RPH3A: variants seen among roughly 807,000 people sequenced by gnomAD.
The protein encoded by RPH3A is rabphilin 3A.
In RPH3A, 48 loss-of-function variants were observed where a neutral mutation model predicts 102.2. The ratio of observed to expected loss-of-function variants is 0.47; its 90% CI spans 0.37 to 0.60. The LOEUF (loss-of-function observed/expected upper bound fraction) is 0.60, where lower values mean the gene tolerates loss of function less well. Among genes scored for constraint, RPH3A ranks in the 20% least tolerant of loss-of-function variants. RPH3A has a pLI of 0.00. For synonymous variants in RPH3A, 310 were observed against 324.3 expected (o/e 0.96, Z 0.47); for missense variants, 781 against 910.1 (o/e 0.86, Z 1.83).
chr12:112,716,710 A>G (rs1218854918), intron 1 of RPH3A, among the ~76,000 whole-genome samples: 1 of 152,246 alleles, frequency 6.6e-6, no homozygotes, highest in Admixed American at 6.5e-5. Context: ...CTAGGCAGCC[A>G]TGTTTCCAGC....
chr12:112,795,234 T>C (rs1412984325), intron 2 of RPH3A, among the ~76,000 whole-genome samples: 1 of 152,230 alleles, frequency 6.6e-6, no homozygotes. Flanking sequence ...GGACCTGTCT[T>C]CTGCCCTTCA....
rs575580027 is a variant in RPH3A, at chr12:112,624,382, C to A, written c.-140+49063C>A. On this transcript the variant is annotated intron_variant, in intron 1 of 21. Coordinates refer to the RPH3A transcript ENST00000543106. Reference sequence around the variant, plus strand: ...AAAATGATAAAGGGGATATCACCACCGATCCCACAGAAATACAAACTACCA... The same window carrying A: ...AAAATGATAAAGGGGATATCACCACAGATCCCACAGAAATACAAACTACCA... 6.1e-3 allele frequency among the ~76,000 whole-genome samples: 908 copies of A among 148,742 alleles called. 6 individuals are homozygous for A. The highest frequency in any genetic ancestry group is 0.022 in the African/African-American group (865 of 40,194).
intron 5 of RPH3A, among the ~76,000 whole-genome samples, chr12:112,857,596 C>T (rs59853488): frequency 0.012 from 1,790 of 152,264 alleles, 36 homozygotes; most frequent in African/African-American, 0.034. Flanking sequence ...AGATTCTCTC[C>T]TAGAGCCTTC....
chr12:112,733,942 A>T (rs920307902), intron 1 of RPH3A, among the ~76,000 whole-genome samples: 9 of 152,202 alleles, frequency 5.9e-5, no homozygotes, highest in African/African-American at 1.9e-4. Flanking sequence ...TTACTATGTT[A>T]ATCTATTGAA....
At chr12:112,751,787 A>G (rs960715297) in intron 1 of RPH3A, among the ~76,000 whole-genome samples, 1 of 152,162 alleles carries the variant, frequency 6.6e-6, no homozygotes, top group African/African-American at 2.4e-5. Flanking sequence ...AAATATATGT[A>G]TGAGAATTTT....
chr12:112,818,456 CT>C (rs1035359574), intron 2 of RPH3A, among the ~76,000 whole-genome samples: 5 of 152,148 alleles, frequency 3.3e-5, no homozygotes, highest in African/African-American at 1.2e-4. Flanking sequence ...TATCTCCCAG[CT>C]TTTATCCTTT....
chr12:112,733,291 C>T (rs965275616), intron 1 of RPH3A, among the ~76,000 whole-genome samples: 1 of 152,114 alleles, frequency 6.6e-6, no homozygotes, highest in Non-Finnish European at 1.5e-5. Flanking sequence ...GCATATACAC[C>T]CATACTGGCA....
At chr12:112,826,689 T>G (rs969925171) in intron 2 of RPH3A, among the ~76,000 whole-genome samples, 7 of 152,242 alleles carry the variant, frequency 4.6e-5, no homozygotes, top group African/African-American at 1.7e-4. Flanking sequence ...TCAAACAGTG[T>G]GTTCTCTTTT....
intron 1 of RPH3A, among the ~76,000 whole-genome samples, chr12:112,781,664 T>C (rs1398104397): frequency 1.3e-5 from 2 of 152,246 alleles, no homozygotes; most frequent in Non-Finnish European, 2.9e-5. Flanking sequence ...GCTCATAAAA[T>C]GGTGCCCTTT....
At chr12:112,757,597 C>G (rs926416191) in intron 1 of RPH3A, among the ~76,000 whole-genome samples, 2 of 152,114 alleles carry the variant, frequency 1.3e-5, no homozygotes, top group Admixed American at 6.5e-5. Flanking sequence ...AAATTTTACT[C>G]AACTTGCAAG....
Position 112,828,339 on chromosome 12 carries a change from C to T in RPH3A, c.21C>T (p.Ser7=), listed in dbSNP as rs1234672243. The T allele has an allele frequency of 1.2e-6, 2 of 1,611,452 alleles. No individual in the cohort carries two copies. The highest frequency in any genetic ancestry group is 3.4e-5 in the Admixed American group (2 of 59,692). MTDTVF[S]NSSNRWMYPS... is the part of the protein sequence containing the mutation. ...CTACTATGACTGACACCGTGTTCAG[C>T]AACAGTTCTAACCGTTGGATGTACC... The change falls in exon 3 of 22, where the codon AGC becomes AGT. Residue 7 remains serine (S), a synonymous_variant. Coordinates refer to ENST00000389385, the MANE Select transcript of RPH3A (RefSeq NM_001143854.2).
chr12:112,833,777 C>T (rs180719394), intron 3 of RPH3A, among the ~76,000 whole-genome samples: 125 of 151,356 alleles, frequency 8.3e-4, no homozygotes, highest in African/African-American at 2.8e-3. Context: ...TCACATAGGC[C>T]GGAGTGCAAT....
intron 1 of RPH3A, among the ~76,000 whole-genome samples, chr12:112,613,229 C>G (rs1285135739): frequency 6.6e-6 from 1 of 152,136 alleles, no homozygotes; most frequent in South Asian, 2.1e-4. Context: ...CCGGGACTTT[C>G]TAACTCTAAA....
chr12:112,724,053 T>A (rs2040570048), intron 1 of RPH3A, among the ~76,000 whole-genome samples: 1 of 67,504 alleles, frequency 1.5e-5, no homozygotes, highest in Admixed American at 1.8e-4. Context: ...ATTTTTTTGA[T>A]TTTTTTTTTT....
rs1168284777 is a variant in RPH3A at position 112,881,828 on chromosome 12, C to G, written c.1308C>G (p.Leu436=). The G allele has an allele frequency of 5.6e-6, 9 of 1,612,156 alleles. No homozygotes were observed. Among genetic ancestry groups the G allele is most frequent in the Non-Finnish European group, 7.6e-6 (9 of 1,178,856 alleles). The change falls in exon 15 of 22, where the codon CTC becomes CTG. Residue 436 remains leucine, a synonymous_variant. Coordinates refer to ENST00000389385, the MANE Select transcript of RPH3A (RefSeq NM_001143854.2). ...CTGATCCCTACGTTAAGCTGCACCT[C>G]CTGCCGGGAGCCAGCAAGGTACCAT... ...GLADPYVKLH[L]LPGASKSNKL... is the part of the protein sequence containing the mutation.
intron 1 of RPH3A, among the ~76,000 whole-genome samples, chr12:112,718,706 G>A (rs1195921138): frequency 1.3e-5 from 2 of 152,242 alleles, no homozygotes; most frequent in African/African-American, 4.8e-5. Flanking sequence ...CAATGCAGGG[G>A]TGGCAAAGAA....
intron 16 of RPH3A, 71 bp downstream of exon 16, chr12:112,883,473 G>T: frequency 1.8e-6 from 2 of 1,094,162 alleles, no homozygotes; most frequent in Non-Finnish European, 2.8e-6. Context: ...GAGACTTGGG[G>T]TGAGGCCCCC....
At chr12:112,766,577 G>T (rs1490058032) in intron 1 of RPH3A, among the ~76,000 whole-genome samples, 4 of 152,200 alleles carry the variant, frequency 2.6e-5, no homozygotes, top group Non-Finnish European at 4.4e-5. Flanking sequence ...AGGAAGGCAA[G>T]CTTGGCTTAA....
At chr12:112,886,620 C>G (rs367917145) in intron 16 of RPH3A, among the ~76,000 whole-genome samples, 9 of 152,286 alleles carry the variant, frequency 5.9e-5, no homozygotes, top group East Asian at 1.9e-4. Context: ...GTTGGAGACT[C>G]TTGTCCTAAG....
Sources: gnomAD v4.1 joint callset for allele counts (sites outside exome capture counted in the v4.1 genomes callset) on GRCh38, gnomAD v4.1.1 for gene constraint, MANE v1.5 for transcripts, NCBI Gene and HGNC (gene_info 2026-07-23, HGNC 2026-07-21) for gene names.